MTUS2: variants seen among roughly 807,000 people sequenced by gnomAD.
MTUS2 encodes the protein microtubule-associated tumor suppressor candidate 2.
MTUS2 carries 40 observed loss-of-function variants against 114.1 expected under a neutral mutation model. The observed-to-expected ratio is 0.35, with a 90% confidence interval of 0.27 to 0.46. The LOEUF (loss-of-function observed/expected upper bound fraction) is 0.46. Among genes scored for constraint, MTUS2 ranks in the 20% least tolerant of loss-of-function variants. The probability of loss-of-function intolerance (pLI) is 1.00; values close to 1 mark genes in which losing one functional copy is unlikely to be tolerated. For synonymous variants in MTUS2, 688 were observed against 672.0 expected (o/e 1.02, Z -0.37); for missense variants, 1,679 against 1,705.4 (o/e 0.98, Z 0.27).
At chr13:28,987,069 G>A (rs1355776086) in intron 2 of MTUS2, among the ~76,000 whole-genome samples, 1 of 152,198 alleles carries the variant, frequency 6.6e-6, no homozygotes, top group Non-Finnish European at 1.5e-5. Flanking sequence ...GGCTTAGGCT[G>A]AATAATTGAC....
intron 2 of MTUS2, among the ~76,000 whole-genome samples, chr13:28,970,397 C>T (rs1186442606): frequency 6.6e-6 from 1 of 152,216 alleles, no homozygotes; most frequent in African/African-American, 2.4e-5. Flanking sequence ...CCACATCTGT[C>T]CTGCCACCTG....
chr13:29,204,390 C>G (rs1174863193), intron 5 of MTUS2, among the ~76,000 whole-genome samples: 1 of 152,224 alleles, frequency 6.6e-6, no homozygotes, highest in East Asian at 1.9e-4. Flanking sequence ...CCTTCCAAAG[C>G]CGCTGCTTCA....
intron 5 of MTUS2, among the ~76,000 whole-genome samples, chr13:29,110,007 CTTTCTT>C (rs1461360755): frequency 6.6e-6 from 1 of 152,222 alleles, no homozygotes; most frequent in African/African-American, 2.4e-5. Flanking sequence ...ATGGCAATCT[CTTTCTT>C]TTGAGTTGTA....
intron 2 of MTUS2, among the ~76,000 whole-genome samples, chr13:29,009,747 CT>C (rs72045207): frequency 0.5 from 75,346 of 151,456 alleles, 18,903 homozygotes; most frequent in South Asian, 0.72. Flanking sequence ...CTTATGTTTT[CT>C]TTATTTTTTT....
chr13:29,490,348 G>A (rs1197397341), intron 11 of MTUS2, among the ~76,000 whole-genome samples: 5 of 152,124 alleles, frequency 3.3e-5, no homozygotes, highest in African/African-American at 4.8e-5. Flanking sequence ...GGTAATTGTC[G>A]GCCTCCAGTA....
intron 4 of MTUS2, among the ~76,000 whole-genome samples, chr13:29,048,213 T>C (rs1198559519): frequency 6.6e-6 from 1 of 152,228 alleles, no homozygotes; most frequent in East Asian, 1.9e-4. Context: ...TCTACAGTTC[T>C]TATTTAGGTC....
intron 4 of MTUS2, among the ~76,000 whole-genome samples, chr13:29,053,387 A>G (rs1887991459): frequency 1.3e-5 from 2 of 152,210 alleles, no homozygotes; most frequent in South Asian, 4.1e-4. Context: ...GTTGTTTATC[A>G]GCAAGATGAC....
chr13:29,425,277 A>G (rs919021985), intron 8 of MTUS2, among the ~76,000 whole-genome samples: 3 of 152,004 alleles, frequency 2.0e-5, no homozygotes. Flanking sequence ...CCTGGGCGTG[A>G]TGGCACGCAC....
intron 8 of MTUS2, among the ~76,000 whole-genome samples, chr13:29,380,437 CAAG>C (rs1465817608): frequency 1.3e-5 from 2 of 152,162 alleles, no homozygotes; most frequent in Non-Finnish European, 2.9e-5. Context: ...GGGGAGTTCC[CAAG>C]AAGAAGAGGA....
Position 29,134,238 on chromosome 13 carries a change from AAG to A in MTUS2, c.2644+33272_2644+33273del, listed in dbSNP as rs1202274509. On this transcript the variant is annotated intron_variant, in intron 5 of 15. Coordinates refer to ENST00000612955, the MANE Select transcript of MTUS2 (RefSeq NM_001033602.4). ...ATTTCTAATGTCGTCTGGTTGTAGT[AAG>A]AGAAGAAAATTTGTAATCTGTCTTT... 3.9e-5 allele frequency among the ~76,000 whole-genome samples: 6 copies of A among 152,158 alleles called. No homozygotes were observed. In the East Asian group the frequency reaches 5.8e-4, roughly 15 times the overall value.
intron 6 of MTUS2, among the ~76,000 whole-genome samples, chr13:29,319,319 C>T (rs1342942780): frequency 1.3e-5 from 2 of 152,200 alleles, no homozygotes; most frequent in Non-Finnish European, 2.9e-5. Context: ...TGAGGCACGA[C>T]TGTCCCCCAG....
intron 5 of MTUS2, among the ~76,000 whole-genome samples, chr13:29,210,751 T>A (rs1895393510): frequency 1.3e-5 from 2 of 152,182 alleles, no homozygotes; most frequent in Non-Finnish European, 2.9e-5. Context: ...ACTAGGGAGT[T>A]TCTGCAAAGA....
intron 5 of MTUS2, among the ~76,000 whole-genome samples, chr13:29,165,197 G>C (rs1428711433): frequency 6.6e-6 from 1 of 152,118 alleles, no homozygotes; most frequent in Non-Finnish European, 1.5e-5. Context: ...CTGAACTTCT[G>C]TCCTGCCACT....
chr13:29,202,528 C>G (rs1895003016), intron 5 of MTUS2, among the ~76,000 whole-genome samples: 2 of 152,156 alleles, frequency 1.3e-5, no homozygotes, highest in Non-Finnish European at 2.9e-5. Flanking sequence ...AACTCGTTCT[C>G]CATCCAGTTT....
intron 7 of MTUS2, among the ~76,000 whole-genome samples, chr13:29,342,181 T>G (rs9506152): frequency 6.6e-6 from 1 of 151,964 alleles, no homozygotes; most frequent in Admixed American, 6.5e-5. Flanking sequence ...TTTCTAGTTC[T>G]GTGAAGAATG....
At chr13:29,439,952 G>A in intron 8 of MTUS2, 31 bp from the exon 9 acceptor site, 1 of 1,532,928 alleles carries the variant, frequency 6.5e-7, no homozygotes, top group Non-Finnish European at 8.9e-7. Flanking sequence ...TAAAACTAGG[G>A]GACTCTCGGT....
chr13:28,875,470 A>G (rs1160921561), intron 2 of MTUS2, among the ~76,000 whole-genome samples: 1 of 152,238 alleles, frequency 6.6e-6, no homozygotes, highest in African/African-American at 2.4e-5. Context: ...CTATGCCCTT[A>G]CATTGCTGTT....
chr13:29,476,177 A>G (rs1880687271), intron 9 of MTUS2, among the ~76,000 whole-genome samples: 1 of 152,226 alleles, frequency 6.6e-6, no homozygotes, highest in Non-Finnish European at 1.5e-5. Flanking sequence ...TAGGAACAGT[A>G]GGCTACACCA....
intron 2 of MTUS2, among the ~76,000 whole-genome samples, chr13:28,944,374 T>G (rs1447707925): frequency 6.6e-6 from 1 of 152,180 alleles, no homozygotes; most frequent in Non-Finnish European, 1.5e-5. Flanking sequence ...TCTACACTTT[T>G]ATTTTTATAT....
Sources: gnomAD v4.1 joint callset for allele counts (sites outside exome capture counted in the v4.1 genomes callset) on GRCh38, gnomAD v4.1.1 for gene constraint, MANE v1.5 for transcripts, NCBI Gene and HGNC (gene_info 2026-07-23, HGNC 2026-07-21) for gene names.